SV2C: variants seen among roughly 807,000 people sequenced by gnomAD.
SV2C encodes solute carrier family 22 member B3.
Under a neutral mutation model 79.7 loss-of-function variants are expected in SV2C, and 49 were observed. The ratio of observed to expected loss-of-function variants is 0.61; its 90% CI spans 0.49 to 0.78. SV2C has a LOEUF of 0.78. Among genes scored for constraint, SV2C ranks in the 30% least tolerant of loss-of-function variants. The probability of loss-of-function intolerance (pLI) is 0.00; values close to 1 mark genes in which losing one functional copy is unlikely to be tolerated. For missense variants in SV2C, 833 were observed against 912.9 expected (o/e 0.91, Z 1.13); for synonymous variants, 334 against 333.2 (o/e 1.00, Z -0.03).
chr5:76,208,415 A>T (rs1485059496), intron 3 of SV2C, among the ~76,000 whole-genome samples: 1 of 152,212 alleles, frequency 6.6e-6, no homozygotes, highest in East Asian at 1.9e-4. Context: ...ATGTCCACTG[A>T]TGCGTAACTA....
Position 76,300,840 on chromosome 5 carries a change from A to G in SV2C, c.1748A>G (p.Tyr583Cys). ...GATGACTATAGTGCCTACTGGATTT[A>G]TTTTGTCAACTTTCTGGGGACATTG... The part of the protein sequence containing the change: ...FDDDYSAYWI[Y>C]FVNFLGTLAV... Residue 583 changes from tyrosine (Y) to cysteine (C), a missense_variant, in exon 11 of 13, where the codon TAT becomes TGT. Transcript: ENST00000502798. 6.2e-7 allele frequency: 1 copy of G among 1,614,166 alleles called. No individual in the cohort carries two copies. The highest frequency in any genetic ancestry group is 2.2e-5 in the East Asian group (1 of 44,882).
chr5:75,914,271 A>G, the SV2C span, among the ~76,000 whole-genome samples: 12 of 152,172 alleles, frequency 7.9e-5, no homozygotes, highest in African/African-American at 2.9e-4. Flanking sequence ...CATTTACCAA[A>G]TTTATTTTTC....
intron 4 of SV2C, among the ~76,000 whole-genome samples, chr5:76,266,288 A>C (rs1746651946): frequency 6.6e-6 from 1 of 151,904 alleles, no homozygotes; most frequent in Admixed American, 6.6e-5. Flanking sequence ...GCTCACTGCA[A>C]CCTCCGCCTC....
the SV2C span, among the ~76,000 whole-genome samples, chr5:75,875,143 ACATAGCTGGAGC>A: frequency 6.6e-6 from 1 of 152,224 alleles, no homozygotes; most frequent in Non-Finnish European, 1.5e-5. Context: ...CGCAAAAAGA[ACATAGCTGGAGC>A]CATCACATTA....
chr5:76,068,111 T>C, the SV2C span, among the ~76,000 whole-genome samples: 53 of 152,316 alleles, frequency 3.5e-4, no homozygotes, highest in African/African-American at 1.3e-3. Context: ...ATGCTGATGA[T>C]AATAGGCCTC....
chr5:75,877,281 G>A, the SV2C span, among the ~76,000 whole-genome samples: 10 of 152,036 alleles, frequency 6.6e-5, no homozygotes, highest in East Asian at 1.2e-3. Flanking sequence ...AATAGAGCAC[G>A]AAAATATATG....
intron 1 of SV2C, among the ~76,000 whole-genome samples, chr5:76,126,418 T>C (rs1748707809): frequency 6.6e-6 from 1 of 152,096 alleles, no homozygotes; most frequent in Non-Finnish European, 1.5e-5. Flanking sequence ...GATGGGTCAG[T>C]TTCCATTTCT....
chr5:76,162,978 A>G (rs1258213784), intron 2 of SV2C, among the ~76,000 whole-genome samples: 1 of 152,218 alleles, frequency 6.6e-6, no homozygotes, highest in Admixed American at 6.5e-5. Flanking sequence ...CCTTTATATC[A>G]TGGAGCACAT....
intron 2 of SV2C, among the ~76,000 whole-genome samples, chr5:76,163,810 A>G (rs74978581): frequency 1.7e-3 from 252 of 152,278 alleles, no homozygotes; most frequent in African/African-American, 5.2e-3. Context: ...ACTTTCCCCC[A>G]TGTCCTCAGA....
the SV2C span, among the ~76,000 whole-genome samples, chr5:76,040,904 T>G: frequency 6.6e-6 from 1 of 152,202 alleles, no homozygotes; most frequent in South Asian, 2.1e-4. Flanking sequence ...TAGCGGAAGT[T>G]GCAGTATCAT....
chr5:76,156,272 G>A (rs1742724284), intron 2 of SV2C, among the ~76,000 whole-genome samples: 1 of 152,076 alleles, frequency 6.6e-6, no homozygotes, highest in East Asian at 1.9e-4. Context: ...GCCCTATTAG[G>A]GTAGCTGTGG....
chr5:76,309,527 G>A (rs1179033511), intron 12 of SV2C, among the ~76,000 whole-genome samples: 2 of 150,140 alleles, frequency 1.3e-5, no homozygotes, highest in South Asian at 2.1e-4. Flanking sequence ...GTGAACCCGG[G>A]AGGCGGAGCT....
At chr5:76,155,698 G>A (rs748244311) in intron 2 of SV2C, among the ~76,000 whole-genome samples, 14 of 152,020 alleles carry the variant, frequency 9.2e-5, no homozygotes, top group Non-Finnish European at 1.9e-4. Flanking sequence ...GTTTCTCACA[G>A]GAAGAAGCAA....
At chr5:75,955,726 G>C in the SV2C span, among the ~76,000 whole-genome samples, 38 of 148,924 alleles carry the variant, frequency 2.6e-4, 1 homozygote, top group South Asian at 7.5e-3. Context: ...CCATCAAAAA[G>C]TGGGTGAAAG....
At chr5:75,977,436 C>T in the SV2C span, among the ~76,000 whole-genome samples, 1 of 152,200 alleles carries the variant, frequency 6.6e-6, no homozygotes, top group Non-Finnish European at 1.5e-5. Flanking sequence ...ACAGAAAGTC[C>T]ACTTCCTCTG....
At chr5:75,857,348 C>T in the SV2C span, among the ~76,000 whole-genome samples, 2 of 152,048 alleles carry the variant, frequency 1.3e-5, no homozygotes, top group African/African-American at 4.8e-5. Flanking sequence ...TTTCCCTGCA[C>T]CATTTATTGA....
At chr5:76,034,819 G>A in the SV2C span, among the ~76,000 whole-genome samples, 1 of 152,196 alleles carries the variant, frequency 6.6e-6, no homozygotes, top group African/African-American at 2.4e-5. Context: ...GTTTCAGAAG[G>A]AATGGTACCA....
At chr5:75,860,036 G>A in the SV2C span, among the ~76,000 whole-genome samples, 1 of 152,066 alleles carries the variant, frequency 6.6e-6, no homozygotes, top group Non-Finnish European at 1.5e-5. Flanking sequence ...CTCTTATTCT[G>A]TCTCTTTCTA....
the SV2C span, chr5:76,075,658 G>T: frequency 3.3e-6 from 1 of 300,832 alleles, no homozygotes; most frequent in South Asian, 3.5e-5. Flanking sequence ...TTAGATGGAT[G>T]CAACCTTGAA....
Sources: gnomAD v4.1 joint callset for allele counts (sites outside exome capture counted in the v4.1 genomes callset) on GRCh38, gnomAD v4.1.1 for gene constraint, MANE v1.5 for transcripts, NCBI Gene and HGNC (gene_info 2026-07-23, HGNC 2026-07-21) for gene names.